Variants in MCC observed in about 807,000 individuals in gnomAD.
MCC encodes MCC regulator of Wnt signaling pathway.
MCC carries 90 observed loss-of-function variants against 116.2 expected under a neutral mutation model. The observed-to-expected ratio is 0.77, with a 90% CI of 0.65 to 0.92. The LOEUF (loss-of-function observed/expected upper bound fraction) is 0.92, where lower values mean the gene tolerates loss of function less well. Ranked by LOEUF, MCC falls within the 40% of genes least tolerant of loss-of-function variation. The pLI is 0.00. For missense variants in MCC, 1,516 were observed against 1,312.2 expected, an observed-to-expected ratio of 1.16 and a Z score of -2.40; for synonymous variants, 578 against 510.5, an observed-to-expected ratio of 1.13 and a Z score of -1.78.
Position 113,488,230 on chromosome 5 carries a change from T to A in MCC, c.170+15A>T. 1 of 1,581,018 alleles carries A rather than the reference T, an allele frequency of 6.3e-7. No homozygotes were observed. Among genetic ancestry groups the A allele is most frequent in the Non-Finnish European group, 8.6e-7 (1 of 1,165,046 alleles). Reference sequence around the variant, plus strand: ...GATCTCGCTCCTGTCGGTTTCCTCGTACCTCCCCGCGTACCTGCTGATGTA... The same window carrying A: ...GATCTCGCTCCTGTCGGTTTCCTCGAACCTCCCCGCGTACCTGCTGATGTA... On this transcript the variant is annotated intron_variant, in intron 1 of 18. Coordinates refer to ENST00000408903, the MANE Select transcript of MCC (RefSeq NM_001085377.2).
chr5:113,484,139 A>G (rs1448207501), intron 1 of MCC, among the ~76,000 whole-genome samples: 1 of 152,140 alleles, frequency 6.6e-6, no homozygotes, highest in Non-Finnish European at 1.5e-5. Context: ...CTTAGTATCC[A>G]TAACTATAGT....
At chr5:113,416,603 T>C (rs1380022545) in intron 1 of MCC, among the ~76,000 whole-genome samples, 1 of 152,196 alleles carries the variant, frequency 6.6e-6, no homozygotes, top group Non-Finnish European at 1.5e-5. Context: ...TGTATACACA[T>C]ACGCATGTTC....
intron 1 of MCC, among the ~76,000 whole-genome samples, chr5:113,449,748 G>A (rs893018899): frequency 6.6e-6 from 1 of 152,178 alleles, no homozygotes; most frequent in African/African-American, 2.4e-5. Context: ...TTTGGGAAGT[G>A]GAGGAGGACA....
intron 3 of MCC, chr5:113,294,625 C>A: frequency 8.7e-7 from 1 of 1,147,238 alleles, no homozygotes; most frequent in Non-Finnish European, 1.1e-6. Flanking sequence ...GCGGCGCGCT[C>A]GCAGCTGCGG....
chr5:113,128,381 T>G (rs1011868825), intron 5 of MCC, among the ~76,000 whole-genome samples: 4 of 152,262 alleles, frequency 2.6e-5, no homozygotes, highest in African/African-American at 9.6e-5. Context: ...AGACTTGCCT[T>G]TAAATGGCTG....
At chr5:113,117,574 C>T (rs1462359281) in intron 6 of MCC, among the ~76,000 whole-genome samples, 29 of 152,182 alleles carry the variant, frequency 1.9e-4, no homozygotes, top group Admixed American at 1.8e-3. Context: ...CACCCAAAAT[C>T]AGAAGAGATC....
chr5:113,469,579 T>C (rs1004067615), intron 1 of MCC, among the ~76,000 whole-genome samples: 9 of 152,344 alleles, frequency 5.9e-5, no homozygotes, highest in Admixed American at 5.2e-4. Context: ...CTTTTACATT[T>C]GCTGAGGAGT....
At chr5:113,313,008 G>T (rs956384012) in intron 3 of MCC, among the ~76,000 whole-genome samples, 6 of 152,110 alleles carry the variant, frequency 3.9e-5, no homozygotes, top group Non-Finnish European at 7.3e-5. Flanking sequence ...ACAAAAAACA[G>T]ACTTCCTTGT....
chr5:113,324,221 G>T (rs1403256832), intron 3 of MCC, among the ~76,000 whole-genome samples: 1 of 152,088 alleles, frequency 6.6e-6, no homozygotes, highest in Non-Finnish European at 1.5e-5. Context: ...AATTTAGGAA[G>T]GAGTTTCTAC....
intron 8 of MCC, among the ~76,000 whole-genome samples, chr5:113,091,242 C>A (rs1265673516): frequency 6.6e-6 from 1 of 152,212 alleles, no homozygotes; most frequent in African/African-American, 2.4e-5. Flanking sequence ...GACATGAACA[C>A]TGGAAACTGG....
In MCC at chr5:113,396,471, C is replaced by T. The variant is rs1417661281; in HGVS notation, c.171-11259G>A. On this transcript the variant is annotated intron_variant, in intron 1 of 18. Coordinates refer to ENST00000408903, the MANE Select transcript of MCC (RefSeq NM_001085377.2). The stretch of plus-strand genomic sequence containing the variant: ...CACGGTGAAACCCCATCTCTACTAA[C>T]AATACAAAAAAAAAAAATAGCCAGA... Among the ~76,000 whole-genome samples the T allele has an allele frequency of 6.1e-5, 7 of 114,470 alleles. No homozygotes were observed. In the South Asian group the frequency reaches 1.2e-3, roughly 19 times the overall value. 75.1% of individuals were successfully genotyped at this position (114,470 alleles called of 152,430 possible). A position where few individuals can be genotyped will look rare whatever the true frequency, so the allele number is the denominator to read the frequency against.
chr5:113,082,351 G>C (rs888799803), intron 11 of MCC, among the ~76,000 whole-genome samples: 11 of 152,234 alleles, frequency 7.2e-5, no homozygotes, highest in Non-Finnish European at 1.5e-4. Context: ...TCGATGCCAG[G>C]AATGGCTCTA....
At chr5:113,229,199 C>G (rs565447718) in intron 3 of MCC, among the ~76,000 whole-genome samples, 1 of 152,070 alleles carries the variant, frequency 6.6e-6, no homozygotes, top group African/African-American at 2.4e-5. Context: ...TCGGCAGAGA[C>G]GAAGAAGGGA....
intron 3 of MCC, among the ~76,000 whole-genome samples, chr5:113,165,748 G>T (rs1275657220): frequency 3.9e-5 from 6 of 152,140 alleles, no homozygotes; most frequent in Non-Finnish European, 8.8e-5. Context: ...CTTCCAACCT[G>T]TAACCACCCA....
At chr5:113,406,135 C>T (rs1769827692) in intron 1 of MCC, among the ~76,000 whole-genome samples, 1 of 152,178 alleles carries the variant, frequency 6.6e-6, no homozygotes, top group Non-Finnish European at 1.5e-5. Flanking sequence ...AAAAGCCTTA[C>T]TTCTTGCCTG....
chr5:113,259,344 T>C (rs907913221), intron 3 of MCC, among the ~76,000 whole-genome samples: 1 of 152,246 alleles, frequency 6.6e-6, no homozygotes, highest in Non-Finnish European at 1.5e-5. Context: ...CAAATACCAA[T>C]TATTATTCAG....
chr5:113,368,590 C>G (rs932497101), intron 2 of MCC, among the ~76,000 whole-genome samples: 2 of 151,906 alleles, frequency 1.3e-5, no homozygotes, highest in Non-Finnish European at 2.9e-5. Flanking sequence ...CTGAATTTAT[C>G]ATTATGATAT....
At chr5:113,244,921 G>T (rs899766718) in intron 3 of MCC, among the ~76,000 whole-genome samples, 3 of 152,178 alleles carry the variant, frequency 2.0e-5, no homozygotes, top group African/African-American at 7.2e-5. Context: ...TGTTGTTCAG[G>T]CAGCAATACT....
At chr5:113,078,845 A>G (rs989703870) in intron 11 of MCC, among the ~76,000 whole-genome samples, 1 of 152,224 alleles carries the variant, frequency 6.6e-6, no homozygotes, top group Non-Finnish European at 1.5e-5. Context: ...AGGGTATTCA[A>G]TTAGGAAAAG....
Sources: allele counts gnomAD v4.1 joint callset (sites outside exome capture counted in the v4.1 genomes callset), GRCh38; gene constraint gnomAD v4.1.1; transcripts MANE v1.5; gene names NCBI Gene and HGNC (gene_info 2026-07-23, HGNC 2026-07-21).